RUFY3: variants seen among roughly 807,000 people sequenced by gnomAD.
RUFY3 encodes the protein protein RUFY3.
A neutral mutation model predicts 84.0 loss-of-function variants in RUFY3; 34 were observed. The observed-to-expected ratio is 0.40, with a 90% CI of 0.31 to 0.54. The LOEUF (loss-of-function observed/expected upper bound fraction) is 0.54. RUFY3 is among the 20% of genes least tolerant of loss of function. RUFY3 has a pLI of 0.39. For missense variants in RUFY3, 507 were observed against 736.8 expected (o/e 0.69, Z 3.61); for synonymous variants, 242 against 252.9 (o/e 0.96, Z 0.41).
intron 10 of RUFY3, among the ~76,000 whole-genome samples, chr4:70,788,319 A>G (rs973109850): frequency 9.9e-5 from 15 of 151,662 alleles, no homozygotes; most frequent in Non-Finnish European, 2.2e-4. Flanking sequence ...CCTCGTAACC[A>G]TACTAGTCAT....
At chr4:70,779,611 G>T (rs1337369754) in intron 8 of RUFY3, among the ~76,000 whole-genome samples, 2 of 147,128 alleles carry the variant, frequency 1.4e-5, no homozygotes, top group African/African-American at 2.5e-5. Context: ...TCTGAGATAG[G>T]GTATCATTCT....
intron 1 of RUFY3, among the ~76,000 whole-genome samples, chr4:70,738,102 G>T (rs1294725314): frequency 1.3e-5 from 2 of 150,108 alleles, no homozygotes; most frequent in Non-Finnish European, 3.0e-5. Context: ...TCCTACCTTG[G>T]CCTCCCAAGT....
chr4:70,762,842 G>T, intron 2 of RUFY3, 150 bp downstream of exon 2: 1 of 690,580 alleles, frequency 1.4e-6, no homozygotes, highest in Non-Finnish European at 2.4e-6. Context: ...TAGGAGCAGG[G>T]TTATGGTTGA....
At chr4:70,708,333 G>C (rs1438561380) in intron 1 of RUFY3, among the ~76,000 whole-genome samples, 1 of 151,662 alleles carries the variant, frequency 6.6e-6, no homozygotes, top group Non-Finnish European at 1.5e-5. Context: ...CACCACCCCA[G>C]CTATTTTTTT....
chr4:70,743,226 TC>T (rs1721604567), intron 1 of RUFY3, among the ~76,000 whole-genome samples: 1 of 152,042 alleles, frequency 6.6e-6, no homozygotes, highest in Non-Finnish European at 1.5e-5. Flanking sequence ...CATACCACCA[TC>T]CCTGGCTAAT....
intron 2 of RUFY3, among the ~76,000 whole-genome samples, chr4:70,763,238 C>T (rs182990003): frequency 2.6e-4 from 40 of 152,164 alleles, no homozygotes; most frequent in Non-Finnish European, 5.0e-4. Context: ...TTCTGGATTA[C>T]ATATTCTTTT....
Position 70,728,620 on chromosome 4 carries a change from A to T in RUFY3, c.178+5869A>T, listed in dbSNP as rs545102284. Among the ~76,000 whole-genome samples the T allele has an allele frequency of 3.0e-4, 46 of 152,330 alleles. No individual in the cohort carries two copies. The South Asian group carries it at 7.9e-3, about 26-fold the overall frequency. ...TAAAGTGTTTCAGACAGATTTTTTTAAAATATAATTTGTGATCTAAGTCCA... is the reference window on the plus strand; with the variant it reads ...TAAAGTGTTTCAGACAGATTTTTTTTAAATATAATTTGTGATCTAAGTCCA... On this transcript the variant is annotated intron_variant, in intron 1 of 17. Transcript: ENST00000381006.
intron 1 of RUFY3, chr4:70,741,478 T>C: frequency 1.9e-6 from 1 of 516,200 alleles, no homozygotes; most frequent in African/African-American, 2.0e-5. Flanking sequence ...CCAGCCCTTG[T>C]CACTGTTAAT....
intron 1 of RUFY3, among the ~76,000 whole-genome samples, chr4:70,726,806 C>CG (rs1479987063): frequency 1.3e-5 from 2 of 152,126 alleles, no homozygotes; most frequent in African/African-American, 4.8e-5. Context: ...CATGGAAAGG[C>CG]GGGGGTGAAG....
At chr4:70,739,113 G>C (rs1720897493) in intron 1 of RUFY3, among the ~76,000 whole-genome samples, 1 of 150,812 alleles carries the variant, frequency 6.6e-6, no homozygotes, top group Non-Finnish European at 1.5e-5. Context: ...TTTTTGTGGA[G>C]AAAGTAGACC....
At chr4:70,706,162 A>G (rs1406200201) in intron 1 of RUFY3, among the ~76,000 whole-genome samples, 1 of 152,170 alleles carries the variant, frequency 6.6e-6, no homozygotes, top group African/African-American at 2.4e-5. Context: ...TTCAAATACA[A>G]GCTCTTACAG....
intron 15 of RUFY3, among the ~76,000 whole-genome samples, chr4:70,801,755 G>T (rs1444134518): frequency 6.6e-6 from 1 of 152,158 alleles, no homozygotes; most frequent in Non-Finnish European, 1.5e-5. Context: ...AAAGAGCATG[G>T]TTTGATCCAG....
chr4:70,780,251 T>C (rs1728681949), intron 8 of RUFY3, among the ~76,000 whole-genome samples: 1 of 152,138 alleles, frequency 6.6e-6, no homozygotes, highest in South Asian at 2.1e-4. Flanking sequence ...GTCCTGGCTC[T>C]GGCACTTGCT....
intron 6 of RUFY3, among the ~76,000 whole-genome samples, chr4:70,774,489 C>T (rs1251694487): frequency 9.5e-5 from 14 of 147,792 alleles, no homozygotes; most frequent in Non-Finnish European, 1.8e-4. Flanking sequence ...ATGGCGGGTG[C>T]CTGTAATCCC....
chr4:70,733,904 A>T (rs1719863685), intron 1 of RUFY3, among the ~76,000 whole-genome samples: 1 of 152,186 alleles, frequency 6.6e-6, no homozygotes. Context: ...ATATGAAAAC[A>T]AATGTTCCTT....
chr4:70,710,305 T>A (rs1270913788), intron 1 of RUFY3, among the ~76,000 whole-genome samples: 1 of 152,248 alleles, frequency 6.6e-6, no homozygotes, highest in Admixed American at 6.5e-5. Context: ...AAAATATATA[T>A]ATTTTAGTTT....
chr4:70,704,999 G>GGGCGGGGAGT lies in RUFY3; in HGVS notation c.69_78dup (p.Pro27GlyfsTer99). On this transcript the variant is annotated frameshift_variant, in exon 1 of 12. Transcript: ENST00000417478. LOFTEE classifies it high-confidence loss of function. Reference sequence around the variant, plus strand: ...AAAGTTGCAGCGAGGAGCCGGCGAGGGGCGGGGAGTGGCGGCCGGAGGAGC... The same window carrying GGGCGGGGAGT: ...AAAGTTGCAGCGAGGAGCCGGCGAGGGGCGGGGAGTGGCGGGGAGTGGCGGCCGGAGGAGC... The GGGCGGGGAGT allele has an allele frequency of 1.6e-6, 2 of 1,224,982 alleles. No homozygotes were observed. The highest frequency in any genetic ancestry group is 2.0e-6 in the Non-Finnish European group (2 of 985,372). The allele number at this position is 1,224,982 out of a possible 1,614,324, so 75.9% of individuals were successfully genotyped here.
chr4:70,768,503 G>A, intron 4 of RUFY3, 35 bp from the exon 5 acceptor site: 1 of 1,596,216 alleles, frequency 6.3e-7, no homozygotes, highest in South Asian at 1.1e-5. Context: ...TGAGATTTTT[G>A]TTACAATAAG....
chr4:70,789,522 A>G lies in RUFY3; in HGVS notation c.1267A>G (p.Ser423Gly). ...TTCAGACTTAGGAGTAAAACAGAAA[A>G]GTGAACTAAACAGTCGCTTGGAAGA... ...QSSDLGVKQK[S>G]ELNSRLEEKT... Residue 423 changes from serine to glycine, a missense_variant, in exon 12 of 18, where the codon AGT becomes GGT. Around this residue, in one of 4 missense-constraint regions of RUFY3, gnomAD observed 334 missense variants for 364.1 expected, o/e 0.92. Transcript: ENST00000381006. The G allele has an allele frequency of 6.2e-7, 1 of 1,612,992 alleles. No individual in the cohort carries two copies.
Sources: gnomAD v4.1 joint callset for allele counts (sites outside exome capture counted in the v4.1 genomes callset) on GRCh38, gnomAD v4.1.1 for gene constraint, gnomAD v4.1.1 regional missense constraint, MANE v1.5 for transcripts, NCBI Gene and HGNC (gene_info 2026-07-23, HGNC 2026-07-21) for gene names.